Variants in LRRC37A2 observed in about 807,000 individuals in gnomAD.
The protein encoded by LRRC37A2 is leucine-rich repeat-containing protein 37A2.
LRRC37A2 carries 9 observed loss-of-function variants against 68.8 expected under a neutral mutation model. That is an observed-to-expected ratio of 0.13 (90% confidence interval 0.08 to 0.23). The LOEUF is 0.23. LRRC37A2 is among the 10% of genes least tolerant of loss of function. The pLI is 1.00. For missense variants in LRRC37A2, 168 were observed against 950.4 expected (o/e 0.18, Z 10.82); for synonymous variants, 63 against 367.6 (o/e 0.17, Z 9.48).
At chr17:46,749,709 C>T in the LRRC37A2 span, 12 of 1,434,426 alleles carry the variant, frequency 8.4e-6, no homozygotes, top group Middle Eastern at 1.5e-3. Flanking sequence ...TGTGTTCAAG[C>T]TTACTGTAGT....
At chr17:46,808,722 A>C in the LRRC37A2 span, among the ~76,000 whole-genome samples, 256 of 152,308 alleles carry the variant, frequency 1.7e-3, 1 homozygote, top group Non-Finnish European at 1.9e-3. Context: ...TGACTTAGAC[A>C]CTTAAGCATC....
chr17:46,875,273 C>T, the LRRC37A2 span: 1 of 1,614,214 alleles, frequency 6.2e-7, no homozygotes, highest in East Asian at 2.2e-5. Flanking sequence ...TCAAGTACAG[C>T]ACCAAGTTTC....
the LRRC37A2 span, among the ~76,000 whole-genome samples, chr17:46,765,822 C>G: frequency 4.6e-5 from 7 of 152,234 alleles, no homozygotes; most frequent in African/African-American, 1.7e-4. Context: ...GTCCACAGGA[C>G]AACCCTACAC....
chr17:46,719,044 A>G, the LRRC37A2 span, among the ~76,000 whole-genome samples: 2 of 152,204 alleles, frequency 1.3e-5, no homozygotes, highest in Admixed American at 6.5e-5. The surrounding 1 kb of genome is among the most constrained non-coding windows in gnomAD (Gnocchi z 4.3). Flanking sequence ...TAGCTTCACC[A>G]TATAAGAGTA....
the LRRC37A2 span, among the ~76,000 whole-genome samples, chr17:46,779,524 C>A: frequency 6.6e-6 from 1 of 152,226 alleles, no homozygotes; most frequent in African/African-American, 2.4e-5. Context: ...CGAGGACACA[C>A]ACGGGCAGCC....
chr17:46,865,157 A>T, the LRRC37A2 span, among the ~76,000 whole-genome samples: 1 of 152,140 alleles, frequency 6.6e-6, no homozygotes, highest in African/African-American at 2.4e-5. Flanking sequence ...GGAGAGGGAG[A>T]GAGACAGGAG....
At chr17:46,679,768 C>T in the LRRC37A2 span, among the ~76,000 whole-genome samples, 1 of 151,218 alleles carries the variant, frequency 6.6e-6, no homozygotes, top group Non-Finnish European at 1.5e-5. Flanking sequence ...ACATTGTGCC[C>T]AAACTTTTCC....
At chr17:46,810,233 C>T in the LRRC37A2 span, among the ~76,000 whole-genome samples, 1 of 152,212 alleles carries the variant, frequency 6.6e-6, no homozygotes, top group East Asian at 1.9e-4. Flanking sequence ...GCCTCAAACT[C>T]CTGACCTCAG....
the LRRC37A2 span, among the ~76,000 whole-genome samples, chr17:47,029,018 A>C: frequency 1.3e-5 from 2 of 152,040 alleles, no homozygotes; most frequent in African/African-American, 2.4e-5. Context: ...ATCTCTACTA[A>C]AAATACAAAA....
At chr17:46,936,882 T>C in the LRRC37A2 span, 1 of 965,214 alleles carries the variant, frequency 1.0e-6, no homozygotes, top group South Asian at 4.8e-5. Context: ...GGGCAGAATG[T>C]AGATTTTGGA....
chr17:46,778,658 A>G, the LRRC37A2 span, among the ~76,000 whole-genome samples: 1 of 152,130 alleles, frequency 6.6e-6, no homozygotes, highest in Non-Finnish European at 1.5e-5. Flanking sequence ...AGTGACTCTC[A>G]TGCTCCTCGA....
At chr17:47,000,900 G>A in the LRRC37A2 span, among the ~76,000 whole-genome samples, 2,332 of 152,228 alleles carry the variant, frequency 0.015, 42 homozygotes, top group African/African-American at 0.054. Flanking sequence ...CACTTTAGGA[G>A]GTTGAGGCGG....
the LRRC37A2 span, among the ~76,000 whole-genome samples, chr17:46,734,305 T>G: frequency 6.6e-6 from 1 of 152,198 alleles, no homozygotes; most frequent in African/African-American, 2.4e-5. Flanking sequence ...ATATAACCAC[T>G]TTAGGAAAGA....
the LRRC37A2 span, among the ~76,000 whole-genome samples, chr17:46,980,354 T>TCCTTC: frequency 0.61 from 92,683 of 151,152 alleles, 28,577 homozygotes; most frequent in African/African-American, 0.63. Flanking sequence ...CTTCCTTCCT[T>TCCTTC]CTTCTTTCTT....
the LRRC37A2 span, among the ~76,000 whole-genome samples, chr17:46,842,930 G>C: frequency 2.0e-5 from 3 of 152,196 alleles, no homozygotes; most frequent in Non-Finnish European, 2.9e-5. Flanking sequence ...CCATTTTATG[G>C]ATGAAGAAAC....
chr17:46,864,388 C>T, the LRRC37A2 span, among the ~76,000 whole-genome samples: 2 of 152,210 alleles, frequency 1.3e-5, no homozygotes, highest in Admixed American at 6.5e-5. Context: ...TTTGAACTTC[C>T]CTCTATCTAG....
the LRRC37A2 span, among the ~76,000 whole-genome samples, chr17:47,015,006 C>CT: frequency 0.29 from 30,887 of 105,896 alleles, 5,747 homozygotes; most frequent in African/African-American, 0.36. Context: ...CCATTTTTAT[C>CT]TTTTTTTTTT....
chr17:47,025,929 G>C, the LRRC37A2 span, among the ~76,000 whole-genome samples: 3 of 129,200 alleles, frequency 2.3e-5, no homozygotes, highest in African/African-American at 9.0e-5. Flanking sequence ...ATTTGAGTTT[G>C]CTTTATTTCC....
At chr17:46,750,494 G>C in the LRRC37A2 span, among the ~76,000 whole-genome samples, 1 of 152,140 alleles carries the variant, frequency 6.6e-6, no homozygotes, top group Non-Finnish European at 1.5e-5. Context: ...ATGTCATGTT[G>C]GCACTCAGAA....
Sources: gnomAD v4.1 joint callset for allele counts (sites outside exome capture counted in the v4.1 genomes callset) on GRCh38, gnomAD v4.1.1 for gene constraint, Gnocchi (gnomAD v3.1) non-coding constraint, MANE v1.5 for transcripts, NCBI Gene and HGNC (gene_info 2026-07-23, HGNC 2026-07-21) for gene names.